FAM168A: variants seen among roughly 807,000 people sequenced by gnomAD.
FAM168A encodes the protein protein FAM168A.
FAM168A carries 3 observed loss-of-function variants against 28.5 expected under a neutral mutation model. The ratio of observed to expected loss-of-function variants is 0.11; its 90% CI spans 0.05 to 0.27. FAM168A has a LOEUF of 0.27. Among genes scored for constraint, FAM168A ranks in the 10% least tolerant of loss-of-function variants. The pLI is 1.00. For synonymous variants in FAM168A, 122 were observed against 124.2 expected, an observed-to-expected ratio of 0.98 and a Z score of 0.12; for missense variants, 222 against 311.5, an observed-to-expected ratio of 0.71 and a Z score of 2.16.
intron 1 of FAM168A, among the ~76,000 whole-genome samples, chr11:73,503,738 T>C (rs1053370904): frequency 6.6e-6 from 1 of 151,918 alleles, no homozygotes; most frequent in African/African-American, 2.4e-5. Context: ...CATGCTACTA[T>C]ACTACAAGGC....
intron 1 of FAM168A, among the ~76,000 whole-genome samples, chr11:73,529,590 C>G (rs1312687744): frequency 6.6e-6 from 1 of 152,150 alleles, no homozygotes; most frequent in Non-Finnish European, 1.5e-5. Context: ...TCTCTAGCAT[C>G]TAACACAAGC....
At position 73,401,227 on chromosome 11, in the gene FAM168A, A is replaced by G. The variant is rs913822640; in HGVS notation, c.*5536T>C. 2 of 152,206 alleles carry G rather than the reference A, an allele frequency of 1.3e-5. No homozygotes were observed. The highest frequency in any genetic ancestry group is 2.9e-5 in the Non-Finnish European group (2 of 68,036). The allele number at this position is 152,206 out of a possible 1,614,324, so 9.4% of individuals were successfully genotyped here. A position where few individuals can be genotyped will look rare whatever the true frequency, so the allele number is the denominator to read the frequency against. On this transcript the variant is annotated 3_prime_UTR_variant, in exon 8 of 8. Transcript: ENST00000356467. ...AAATCATATACAACGCTCTCTTCAC[A>G]GGGATGTTACATGCCATGAGAACAG...
chr11:73,496,115 G>A (rs56375530), intron 1 of FAM168A, among the ~76,000 whole-genome samples: 12,436 of 152,062 alleles, frequency 0.082, 592 homozygotes, highest in Admixed American at 0.11. Flanking sequence ...ACCCACACAC[G>A]CATGATGGAA....
intron 2 of FAM168A, among the ~76,000 whole-genome samples, chr11:73,444,127 C>T (rs999763572): frequency 6.6e-6 from 1 of 152,184 alleles, no homozygotes; most frequent in African/African-American, 2.4e-5. Context: ...AGTCCCTTTA[C>T]CTAATCCTCA....
At chr11:73,456,298 T>C (rs190290715) in intron 2 of FAM168A, among the ~76,000 whole-genome samples, 300 of 152,318 alleles carry the variant, frequency 2.0e-3, no homozygotes, top group African/African-American at 6.7e-3. Context: ...ACTCTCAGCA[T>C]GGTAATGAGT....
At chr11:73,454,612 C>T (rs1187526945) in intron 2 of FAM168A, among the ~76,000 whole-genome samples, 2 of 141,128 alleles carry the variant, frequency 1.4e-5, no homozygotes, top group African/African-American at 3.2e-5. Context: ...GAACTTATAT[C>T]TCTGTTTTCC....
intron 2 of FAM168A, among the ~76,000 whole-genome samples, chr11:73,437,830 T>C (rs7951815): frequency 4.5e-4 from 69 of 152,240 alleles, no homozygotes; most frequent in African/African-American, 1.6e-3. Context: ...TTGCTAGAGA[T>C]ATGAAGATAT....
intron 4 of FAM168A, among the ~76,000 whole-genome samples, chr11:73,418,969 C>T (rs1325357864): frequency 6.6e-6 from 1 of 152,054 alleles, no homozygotes; most frequent in African/African-American, 2.4e-5. Context: ...CCACCATGCC[C>T]GGCTAATTTT....
chr11:73,427,450 C>G (rs1470034558), intron 3 of FAM168A, among the ~76,000 whole-genome samples: 1 of 152,160 alleles, frequency 6.6e-6, no homozygotes, highest in Non-Finnish European at 1.5e-5. Context: ...CCTATCTGCA[C>G]TCCTTTCCCT....
chr11:73,484,727 T>G (rs780785687), intron 1 of FAM168A, among the ~76,000 whole-genome samples: 12 of 145,050 alleles, frequency 8.3e-5, no homozygotes, highest in African/African-American at 2.0e-4. Flanking sequence ...TATATAGATA[T>G]ATATCGATAT....
intron 2 of FAM168A, among the ~76,000 whole-genome samples, chr11:73,442,996 A>ATATG (rs1486968655): frequency 1.5e-5 from 2 of 130,374 alleles, no homozygotes; most frequent in African/African-American, 5.7e-5. Flanking sequence ...ATATATATAT[A>ATATG]TGCCAAGCCT....
intron 1 of FAM168A, among the ~76,000 whole-genome samples, chr11:73,488,105 C>T (rs1352867216): frequency 6.6e-6 from 1 of 151,110 alleles, no homozygotes; most frequent in African/African-American, 2.4e-5. Context: ...ACTTTAAACT[C>T]ATGATCACTA....
At chr11:73,407,359 G>A (rs1866524489) in intron 7 of FAM168A, among the ~76,000 whole-genome samples, 154 bp downstream of exon 7, 1 of 152,194 alleles carries the variant, frequency 6.6e-6, no homozygotes, top group Non-Finnish European at 1.5e-5. Flanking sequence ...ATTATTAAGA[G>A]TGATATTATG....
chr11:73,555,773 A>G (rs1224608288), intron 1 of FAM168A, among the ~76,000 whole-genome samples: 2 of 152,120 alleles, frequency 1.3e-5, no homozygotes, highest in Non-Finnish European at 2.9e-5. Context: ...CACAGTTGAT[A>G]CCTGGCCTAA....
intron 1 of FAM168A, among the ~76,000 whole-genome samples, chr11:73,473,568 T>C (rs77761753): frequency 6.6e-6 from 1 of 152,186 alleles, no homozygotes; most frequent in South Asian, 2.1e-4. Flanking sequence ...TTTTGTTTTC[T>C]TCACTTCAAT....
intron 1 of FAM168A, among the ~76,000 whole-genome samples, chr11:73,496,502 G>A (rs1384635980): frequency 1.3e-5 from 2 of 152,198 alleles, no homozygotes; most frequent in African/African-American, 4.8e-5. Context: ...CTACTGTAGT[G>A]TATACTTAAA....
At chr11:73,469,875 G>C (rs549228155) in intron 1 of FAM168A, among the ~76,000 whole-genome samples, 2 of 152,074 alleles carry the variant, frequency 1.3e-5, no homozygotes, top group African/African-American at 4.8e-5. Context: ...AGAGTATTGA[G>C]ACATTAATAA....
intron 1 of FAM168A, among the ~76,000 whole-genome samples, chr11:73,571,463 G>A (rs1407880882): frequency 6.6e-6 from 1 of 151,930 alleles, no homozygotes; most frequent in African/African-American, 2.4e-5. Flanking sequence ...GGCCGGGCTG[G>A]TCTCCAGCTC....
intron 1 of FAM168A, chr11:73,580,631 T>C (rs775688423): frequency 1.4e-5 from 6 of 435,314 alleles, no homozygotes; most frequent in Non-Finnish European, 2.6e-5. Context: ...TTTTTTAAGC[T>C]ATGTTGTTAG....
Sources: allele counts gnomAD v4.1 joint callset (sites outside exome capture counted in the v4.1 genomes callset), GRCh38; gene constraint gnomAD v4.1.1; transcripts MANE v1.5; gene names NCBI Gene and HGNC (gene_info 2026-07-23, HGNC 2026-07-21).